Variants in HHAT observed in about 807,000 individuals in gnomAD.
HHAT encodes protein-cysteine N-palmitoyltransferase HHAT.
Under a neutral mutation model 70.8 loss-of-function variants are expected in HHAT, and 47 were observed. The ratio of observed to expected loss-of-function variants is 0.66; its 90% confidence interval spans 0.53 to 0.85. HHAT has a LOEUF of 0.85. Among genes scored for constraint, HHAT ranks in the 40% least tolerant of loss-of-function variants. The pLI is 0.00. For missense variants in HHAT, 609 were observed against 604.8 expected (o/e 1.01, Z -0.07); for synonymous variants, 228 against 247.6 (o/e 0.92, Z 0.74).
intron 9 of HHAT, among the ~76,000 whole-genome samples, chr1:210,575,879 G>T (rs895690657): frequency 1.3e-5 from 2 of 152,134 alleles, no homozygotes; most frequent in Admixed American, 6.5e-5. Flanking sequence ...ATTTGGTCAG[G>T]TGACTTTTCT....
intron 8 of HHAT, among the ~76,000 whole-genome samples, chr1:210,508,198 C>CAAAAAAAA (rs10656040): frequency 1.0e-4 from 9 of 89,430 alleles, no homozygotes; most frequent in African/African-American, 1.8e-4. Flanking sequence ...GACTCCTTCT[C>CAAAAAAAA]AAAAAAAAAA....
intron 8 of HHAT, among the ~76,000 whole-genome samples, chr1:210,504,952 GAGTGC>G (rs2094826250): frequency 6.9e-6 from 1 of 145,556 alleles, no homozygotes; most frequent in Non-Finnish European, 1.5e-5. Context: ...GCCTAGGCTG[GAGTGC>G]AGTGGTGTGA....
chr1:210,551,487 G>A lies in HHAT; in HGVS notation c.1044-36411G>A, dbSNP rs2095527474. ...TCTGAGTAACCCCCTAGGACAGCCT[G>A]CTGGGCTGTTGGCTCCAGAGACCAG... On this transcript the variant is annotated intron_variant, in intron 9 of 11. Transcript: ENST00000261458. Among the ~76,000 whole-genome samples the A allele has an allele frequency of 1.5e-5, 2 of 131,726 alleles. 1 individual carries two copies. Among genetic ancestry groups the A allele is most frequent in the Admixed American group, 1.8e-4 (2 of 11,020 alleles). 86.4% of individuals were successfully genotyped at this position (131,726 alleles called of 152,430 possible). A position where few individuals can be genotyped will look rare whatever the true frequency, so the allele number is the denominator to read the frequency against.
chr1:210,400,781 C>T lies in HHAT; in HGVS notation c.468+119C>T, dbSNP rs1221922532. ...GATTGTAGAACTGTGATGGGGCTCC[C>T]CATAGTGGCCGTACAGGGTTGCTAC... On this transcript the variant is annotated intron_variant, in intron 5 of 11. Coordinates refer to ENST00000261458, the MANE Select transcript of HHAT (RefSeq NM_018194.6). 6.9e-6 allele frequency: 6 copies of T among 868,546 alleles called. No homozygotes were observed. The African/African-American group carries it at 1.0e-4, about 15-fold the overall frequency. 53.8% of individuals were successfully genotyped at this position (868,546 alleles called of 1,614,324 possible). A position where few individuals can be genotyped will look rare whatever the true frequency, so the allele number is the denominator to read the frequency against.
At chr1:210,445,045 G>C (rs538489357) in intron 7 of HHAT, among the ~76,000 whole-genome samples, 49 of 152,098 alleles carry the variant, frequency 3.2e-4, no homozygotes, top group Admixed American at 1.2e-3. Flanking sequence ...TCACCATGTT[G>C]GTCAGGCTGG....
rs368409452 is a variant in HHAT at position 210,580,004 on chromosome 1, C to G, written c.1044-7894C>G. On this transcript the variant is annotated intron_variant, in intron 9 of 11. Coordinates refer to ENST00000261458, the MANE Select transcript of HHAT (RefSeq NM_018194.6). ...TTATTTAAATGTTGGCATCTAATTA[C>G]ATTTACCTAGAAGTTGAAGTGTAGG... is the stretch of plus-strand genomic sequence containing the variant. 6.6e-5 allele frequency among the ~76,000 whole-genome samples: 10 copies of G among 152,336 alleles called. No homozygotes were observed. The East Asian group carries it at 7.7e-4, about 12-fold the overall frequency.
chr1:210,342,142 GTTCCAGCACTC>G (rs1383971787), intron 1 of HHAT, among the ~76,000 whole-genome samples: 1 of 151,908 alleles, frequency 6.6e-6, no homozygotes, highest in Non-Finnish European at 1.5e-5. Flanking sequence ...GTGTGGCTTG[GTTCCAGCACTC>G]TCTCCACTTT....
At chr1:210,649,162 A>G (rs1674636217) in intron 11 of HHAT, among the ~76,000 whole-genome samples, 1 of 152,198 alleles carries the variant, frequency 6.6e-6, no homozygotes, top group Non-Finnish European at 1.5e-5. Flanking sequence ...CTGGTAAGTA[A>G]TAGAGGGGAA....
At chr1:210,329,132 C>T (rs575911749) in intron 1 of HHAT, 28 bp downstream of exon 1, 1 of 1,316,550 alleles carries the variant, frequency 7.6e-7, no homozygotes, top group African/African-American at 1.5e-5. Flanking sequence ...ATAGGGGGTC[C>T]TGGGGAGGTT....
chr1:210,578,772 C>T (rs12118133), intron 9 of HHAT, among the ~76,000 whole-genome samples: 3,450 of 151,952 alleles, frequency 0.023, 76 homozygotes, highest in Middle Eastern at 0.095. Context: ...GCTATGAAGG[C>T]GAAATAAGCC....
chr1:210,491,737 A>G (rs1300871959), intron 8 of HHAT, among the ~76,000 whole-genome samples: 1 of 151,986 alleles, frequency 6.6e-6, no homozygotes, highest in Non-Finnish European at 1.5e-5. Flanking sequence ...CACCTAATGG[A>G]CCATATTTCT....
At chr1:210,580,398 C>A (rs910133694) in intron 9 of HHAT, among the ~76,000 whole-genome samples, 1 of 151,066 alleles carries the variant, frequency 6.6e-6, no homozygotes, top group African/African-American at 2.4e-5. Context: ...AGGGGGGATA[C>A]GTGTACAGAA....
At chr1:210,380,082 C>T (rs2090516232) in intron 3 of HHAT, among the ~76,000 whole-genome samples, 1 of 152,182 alleles carries the variant, frequency 6.6e-6, no homozygotes, top group African/African-American at 2.4e-5. Flanking sequence ...TACCAGGTTC[C>T]TAAAAATAGT....
chr1:210,386,217 C>CTT (rs2091026783), intron 3 of HHAT, among the ~76,000 whole-genome samples: 1 of 119,312 alleles, frequency 8.4e-6, no homozygotes, highest in African/African-American at 3.2e-5. Context: ...TGCAGGAGTC[C>CTT]TTTTCTTTTT....
rs1185633276 is a variant in HHAT, at chr1:210,494,573, A to G, written c.1008-18580A>G. ...TTTTTTTTTTTTTTTTTTTTTTGAG[A>G]CAGAGTTTGCTCTTTTTTCCCAGGC... On this transcript the variant is annotated intron_variant, in intron 8 of 11. Coordinates refer to ENST00000261458, the MANE Select transcript of HHAT (RefSeq NM_018194.6). Among the ~76,000 whole-genome samples the G allele has an allele frequency of 2.7e-4, 16 of 59,614 alleles. No homozygotes were observed. The Admixed American group carries it at 3.2e-3, about 12-fold the overall frequency. 39.1% of individuals were successfully genotyped at this position (59,614 alleles called of 152,430 possible).
At chr1:210,418,091 TATCTA>T (rs1367498919) in intron 6 of HHAT, 58 bp from the exon 7 acceptor site, 3 of 1,504,952 alleles carry the variant, frequency 2.0e-6, no homozygotes, top group African/African-American at 1.4e-5. Flanking sequence ...TGAAAAATCT[TATCTA>T]AGGGACTGTT....
chr1:210,615,004 T>A (rs925754009), intron 10 of HHAT, among the ~76,000 whole-genome samples: 1 of 152,258 alleles, frequency 6.6e-6, no homozygotes, highest in Non-Finnish European at 1.5e-5. Context: ...TCCACAATGG[T>A]TGAACTAGTT....
rs2093673332 is a variant in HHAT, at chr1:210,448,182, A to G, written c.857-16323A>G. Among the ~76,000 whole-genome samples the G allele has an allele frequency of 2.0e-5, 3 of 151,640 alleles. 1 individual carries two copies. Among genetic ancestry groups the G allele is most frequent in the Non-Finnish European group, 4.4e-5 (3 of 68,004 alleles). On this transcript the variant is annotated intron_variant, in intron 7 of 11. Coordinates refer to ENST00000261458, the MANE Select transcript of HHAT (RefSeq NM_018194.6). Reference sequence around the variant, plus strand: ...CTGCAACCTCTGCCTTCCTGGTTCAAGTGATTCTCCTGGCTCAGCTGCCTG... The same window carrying G: ...CTGCAACCTCTGCCTTCCTGGTTCAGGTGATTCTCCTGGCTCAGCTGCCTG...
At chr1:210,527,302 G>T (rs536902069) in intron 9 of HHAT, among the ~76,000 whole-genome samples, 2 of 152,210 alleles carry the variant, frequency 1.3e-5, no homozygotes, top group African/African-American at 4.8e-5. Context: ...TTCAGCTCAG[G>T]CTCCCATGGC....
Sources: allele counts gnomAD v4.1 joint callset (sites outside exome capture counted in the v4.1 genomes callset), GRCh38; gene constraint gnomAD v4.1.1; transcripts MANE v1.5; gene names NCBI Gene and HGNC (gene_info 2026-07-23, HGNC 2026-07-21).